CALN1: variants seen among roughly 807,000 people sequenced by gnomAD.
The protein encoded by CALN1 is calneuron 1.
In CALN1, 17 loss-of-function variants were observed where a neutral mutation model predicts 30.6. The observed-to-expected ratio is 0.56, with a 90% CI of 0.38 to 0.83. CALN1 has a LOEUF of 0.83. Among genes scored for constraint, CALN1 ranks in the 40% least tolerant of loss-of-function variants. The pLI, the probability that CALN1 is intolerant of heterozygous loss-of-function variation, is 0.00. For missense variants in CALN1, 291 were observed against 354.9 expected (o/e 0.82, Z 1.45); for synonymous variants, 156 against 131.4 (o/e 1.19, Z -1.28).
chr7:71,916,638 G>A (rs1470554301), intron 5 of CALN1, among the ~76,000 whole-genome samples: 21 of 152,000 alleles, frequency 1.4e-4, no homozygotes, highest in Admixed American at 1.4e-3. Context: ...TTGGACACAG[G>A]GAGGGGAACA....
intron 5 of CALN1, among the ~76,000 whole-genome samples, chr7:71,977,622 C>T (rs896989812): frequency 6.6e-6 from 1 of 151,896 alleles, no homozygotes; most frequent in Non-Finnish European, 1.5e-5. Context: ...CACATGTCTC[C>T]ACAGTGCTTA....
intron 5 of CALN1, among the ~76,000 whole-genome samples, chr7:72,019,309 T>G (rs369616401): frequency 6.6e-6 from 1 of 152,030 alleles, no homozygotes; most frequent in East Asian, 1.9e-4. Flanking sequence ...AGATCAGAAG[T>G]TGAAGTCCAA....
chr7:71,926,503 T>C (rs968861449), intron 5 of CALN1, among the ~76,000 whole-genome samples: 28 of 152,198 alleles, frequency 1.8e-4, no homozygotes, highest in Non-Finnish European at 7.3e-5. Context: ...GTTACAGGGT[T>C]CTCTGAGCAT....
intron 4 of CALN1, among the ~76,000 whole-genome samples, chr7:72,096,020 C>T (rs1301743331): frequency 6.6e-6 from 1 of 151,360 alleles, no homozygotes; most frequent in Non-Finnish European, 1.5e-5. Flanking sequence ...GCCTGGGCAA[C>T]AGAGCGAGAC....
intron 2 of CALN1, among the ~76,000 whole-genome samples, chr7:72,327,805 T>TAA (rs1005969485): frequency 3.5e-4 from 53 of 152,302 alleles, no homozygotes; most frequent in African/African-American, 1.2e-3. Flanking sequence ...CTCTGAATAC[T>TAA]AAAAAGGCAA....
chr7:72,379,337 G>C lies in CALN1; in HGVS notation c.119+23914C>G, dbSNP rs370153785. ...TCTGATAATACAGTAATTTTTAAAG[G>C]ATACATTAAAGGGTTAAACCCTAAA... On this transcript the variant is annotated intron_variant, in intron 2 of 6. Transcript: ENST00000395275. Among the ~76,000 whole-genome samples the C allele has an allele frequency of 3.3e-5, 5 of 152,094 alleles. No homozygotes were observed. In the East Asian group the frequency reaches 7.7e-4, roughly 23 times the overall value.
At chr7:72,145,549 G>A (rs1786641919) in intron 3 of CALN1, among the ~76,000 whole-genome samples, 4 of 152,276 alleles carry the variant, frequency 2.6e-5, no homozygotes, top group South Asian at 4.1e-4. Context: ...GGTACAAGGA[G>A]GAGCTGGTAC....
At chr7:72,293,053 C>CT (rs1798604274) in intron 2 of CALN1, among the ~76,000 whole-genome samples, 2 of 151,954 alleles carry the variant, frequency 1.3e-5, no homozygotes, top group Non-Finnish European at 2.9e-5. Context: ...TCCCTGGGCT[C>CT]TGAGTTTCCC....
intron 4 of CALN1, among the ~76,000 whole-genome samples, chr7:72,094,138 G>A (rs930183502): frequency 6.6e-6 from 1 of 152,240 alleles, no homozygotes; most frequent in East Asian, 1.9e-4. Flanking sequence ...TAGGTCTGAT[G>A]TGAATGAACA....
intron 2 of CALN1, among the ~76,000 whole-genome samples, chr7:72,301,378 C>A (rs1443983613): frequency 6.6e-6 from 1 of 151,848 alleles, no homozygotes; most frequent in African/African-American, 2.4e-5. Context: ...GAGGCCGAGG[C>A]AGGTGTATCA....
chr7:72,151,322 G>A (rs982207165), intron 3 of CALN1, among the ~76,000 whole-genome samples: 2 of 150,780 alleles, frequency 1.3e-5, no homozygotes, highest in African/African-American at 2.4e-5. Context: ...TCATCTTCAC[G>A]CAATCTTCTA....
At chr7:72,096,679 G>A (rs1297705393) in intron 4 of CALN1, among the ~76,000 whole-genome samples, 1 of 152,174 alleles carries the variant, frequency 6.6e-6, no homozygotes, top group Non-Finnish European at 1.5e-5. Context: ...GTGTGGTTGT[G>A]GAGAAACAGG....
At chr7:72,156,617 C>T (rs542493859) in intron 3 of CALN1, among the ~76,000 whole-genome samples, 2 of 152,338 alleles carry the variant, frequency 1.3e-5, no homozygotes, top group South Asian at 4.1e-4. Flanking sequence ...TAGCGACCTA[C>T]AGGCAGAGCT....
At chr7:72,254,014 T>G (rs1410119341) in intron 3 of CALN1, among the ~76,000 whole-genome samples, 1 of 152,132 alleles carries the variant, frequency 6.6e-6, no homozygotes, top group Non-Finnish European at 1.5e-5. Flanking sequence ...GTGCTGAGAT[T>G]ACAGGCATGA....
chr7:72,410,866 TG>T (rs1807082101), intron 1 of CALN1, among the ~76,000 whole-genome samples: 1 of 152,198 alleles, frequency 6.6e-6, no homozygotes, highest in Non-Finnish European at 1.5e-5. Context: ...AATACAAGGA[TG>T]TTTACTATCT....
At chr7:71,798,049 AAGAGAGAGAGACAGAGAG>A (rs1258595068) in intron 6 of CALN1, among the ~76,000 whole-genome samples, 2 of 142,568 alleles carry the variant, frequency 1.4e-5, no homozygotes, top group Admixed American at 7.1e-5. Context: ...GAGAGCAGGC[AAGAGAGAGAGACAGAGAG>A]AGAGAGAGAG....
chr7:72,400,796 T>TG (rs1365303548), intron 2 of CALN1, among the ~76,000 whole-genome samples: 2 of 152,220 alleles, frequency 1.3e-5, no homozygotes, highest in Non-Finnish European at 2.9e-5. Flanking sequence ...ACCCACCCTC[T>TG]GCCCACTCCC....
chr7:72,377,316 T>G (rs1804619978), intron 2 of CALN1, among the ~76,000 whole-genome samples: 1 of 152,170 alleles, frequency 6.6e-6, no homozygotes, highest in Non-Finnish European at 1.5e-5. Context: ...CTTCAGCTTT[T>G]TAAACATTTT....
intron 3 of CALN1, among the ~76,000 whole-genome samples, chr7:72,206,663 C>T (rs955265846): frequency 7.1e-6 from 1 of 141,408 alleles, no homozygotes; most frequent in Non-Finnish European, 1.5e-5. Flanking sequence ...AGAACAGATG[C>T]AGGCTAAAAT....
Sources: gnomAD v4.1 joint callset for allele counts (sites outside exome capture counted in the v4.1 genomes callset) on GRCh38, gnomAD v4.1.1 for gene constraint, MANE v1.5 for transcripts, NCBI Gene and HGNC (gene_info 2026-07-23, HGNC 2026-07-21) for gene names.